The following EHHADH variants were observed in gnomAD, a reference collection of about 807,000 sequenced individuals.
EHHADH encodes peroxisomal bifunctional enzyme.
Under a neutral mutation model 64.4 loss-of-function variants are expected in EHHADH, and 48 were observed. That is an observed-to-expected ratio of 0.75 (90% confidence interval 0.59 to 0.95). EHHADH has a LOEUF of 0.95. EHHADH is among the 40% of genes least tolerant of loss of function. EHHADH has a pLI of 0.00. For missense variants in EHHADH, 854 were observed against 876.6 expected (o/e 0.97, Z 0.33); for synonymous variants, 308 against 326.7 (o/e 0.94, Z 0.62).
Position 185,192,522 on chromosome 3 carries a change from A to G in EHHADH, c.1876T>C (p.Ser626Pro). The G allele has an allele frequency of 2.5e-6, 4 of 1,614,204 alleles. No individual in the cohort carries two copies. The African/African-American group carries it at 5.3e-5, about 22-fold the overall frequency. The change falls in exon 7 of 7, where the codon TCA becomes CCA. Residue 626 changes from serine to proline, a missense_variant. Transcript: ENST00000231887. ...QDEILERCLYSLINEAFRILG... is the reference protein window; with the variant it reads ...QDEILERCLYPLINEAFRILG... The stretch of plus-strand genomic sequence containing the variant: ...ATACGGAATGCTTCATTGATAAGTG[A>G]ATATAAGCAGCGTTCAAGGATCTCA...
In EHHADH at chr3:185,202,634, C is replaced by T. The variant is rs7640251; in HGVS notation, c.910+1782G>A. Among the ~76,000 whole-genome samples the T allele has an allele frequency of 9.4e-3, 1,425 of 152,228 alleles. 21 individuals carry two copies. Among genetic ancestry groups the T allele is most frequent in the African/African-American group, 0.033 (1,350 of 41,532 alleles). On this transcript the variant is annotated intron_variant, in intron 6 of 6. Coordinates refer to ENST00000231887, the MANE Select transcript of EHHADH (RefSeq NM_001966.4). ...TTCAGCCTTGACCTCCGCCTCCTGT[C>T]GGATCAGTGGTGGTATTAGACTCTC...
intron 4 of EHHADH, among the ~76,000 whole-genome samples, chr3:185,228,076 C>T (rs1033507454): frequency 1.3e-5 from 2 of 149,066 alleles, no homozygotes; most frequent in African/African-American, 4.9e-5. Flanking sequence ...GTTCTTTCTT[C>T]TAAATTGACC....
chr3:185,192,828 G>T lies in EHHADH; in HGVS notation c.1570C>A (p.Leu524Ile). 6.2e-7 allele frequency: 1 copy of T among 1,614,094 alleles called. No individual in the cohort carries two copies. Among genetic ancestry groups the T allele is most frequent in the East Asian group, 2.2e-5 (1 of 44,880 alleles). The change falls in exon 7 of 7, where the codon CTT becomes ATT. Residue 524 changes from leucine to isoleucine, a missense_variant. Physicochemically the swap from Leu to Ile is conservative, Grantham distance 5. Transcript: ENST00000231887. ...FKMGPFRVSDLAGLDVGWKSR... is the reference protein window; with the variant it reads ...FKMGPFRVSDIAGLDVGWKSR... The stretch of plus-strand genomic sequence containing the variant: ...TTCCAGCCCACATCCAACCCAGCAA[G>T]ATCAGACACTCTAAAAGGTCCCATT...
At chr3:185,209,985 G>A (rs1358241553) in intron 5 of EHHADH, among the ~76,000 whole-genome samples, 9 of 152,178 alleles carry the variant, frequency 5.9e-5, no homozygotes, top group African/African-American at 2.2e-4. Context: ...GAGAAGAATG[G>A]GGACTCCCCC....
intron 1 of EHHADH, chr3:185,253,681 T>TCTCAGC (rs1389146437): frequency 1.5e-6 from 1 of 674,174 alleles, no homozygotes; most frequent in Non-Finnish European, 2.2e-6. Context: ...TGTTGATCTG[T>TCTCAGC]CTCAGCCTCA....
intron 6 of EHHADH, among the ~76,000 whole-genome samples, chr3:185,199,696 A>C (rs1718171798): frequency 6.6e-6 from 1 of 152,240 alleles, no homozygotes; most frequent in Non-Finnish European, 1.5e-5. Context: ...ATTGGAACAC[A>C]AGGTTAATTT....
chr3:185,210,634 CAAA>C (rs34709334), intron 5 of EHHADH, among the ~76,000 whole-genome samples: 7 of 83,194 alleles, frequency 8.4e-5, no homozygotes, highest in Non-Finnish European at 5.5e-5. Flanking sequence ...GACTCTGTCT[CAAA>C]AAAAAAAAAA....
chr3:185,196,672 A>G (rs1253358072), intron 6 of EHHADH, among the ~76,000 whole-genome samples: 3 of 152,250 alleles, frequency 2.0e-5, no homozygotes, highest in South Asian at 2.1e-4. Context: ...GATACATACT[A>G]TAACATGAAT....
chr3:185,230,572 A>AT (rs1193779953), intron 3 of EHHADH, among the ~76,000 whole-genome samples: 2 of 152,052 alleles, frequency 1.3e-5, no homozygotes, highest in Non-Finnish European at 2.9e-5. Flanking sequence ...AGGAGACCAC[A>AT]TATCATATGA....
At chr3:185,219,744 G>A (rs577919798) in intron 4 of EHHADH, among the ~76,000 whole-genome samples, 27 of 152,324 alleles carry the variant, frequency 1.8e-4, no homozygotes, top group African/African-American at 6.5e-4. Flanking sequence ...GGTGGCAACA[G>A]TCCCACAGTC....
chr3:185,193,391 G>A lies in EHHADH; in HGVS notation c.1007C>T (p.Ala336Val), dbSNP rs1007319456. ...CAAGACAGAGGTTATCATCTTGTTT[G>A]CAGTTGCTAGCTGGTTTTTGTCCGA... The part of the protein sequence containing the change: ...VDSDKNQLAT[A>V]NKMITSVLEK... Residue 336 changes from alanine to valine, a missense_variant, in exon 7 of 7, where the codon GCA becomes GTA. Ala to Val is a moderately conservative substitution (Grantham distance 64). Transcript: ENST00000231887. The A allele has an allele frequency of 1.6e-5, 26 of 1,614,048 alleles. No individual in the cohort carries two copies. Among genetic ancestry groups the A allele is most frequent in the Non-Finnish European group, 2.0e-5 (24 of 1,180,050 alleles).
intron 2 of EHHADH, among the ~76,000 whole-genome samples, chr3:185,242,129 C>T (rs1173117417): frequency 6.6e-6 from 1 of 152,046 alleles, no homozygotes; most frequent in African/African-American, 2.4e-5. Context: ...AAGATCTCTA[C>T]AAGGAAAACA....
At chr3:185,222,275 T>C (rs2108639839) in intron 4 of EHHADH, among the ~76,000 whole-genome samples, 1 of 152,086 alleles carries the variant, frequency 6.6e-6, no homozygotes, top group Non-Finnish European at 1.5e-5. Context: ...CCCAGCTACT[T>C]GGGAGGCTGA....
chr3:185,246,249 G>C (rs1385698756), intron 2 of EHHADH: 1 of 888,904 alleles, frequency 1.1e-6, no homozygotes. Flanking sequence ...ATCATCAGAA[G>C]CATCGTTTTT....
chr3:185,226,650 C>CAAAAA (rs59522852), intron 4 of EHHADH, among the ~76,000 whole-genome samples: 8 of 133,260 alleles, frequency 6.0e-5, no homozygotes, highest in East Asian at 2.3e-4. Flanking sequence ...ACTCCATCTC[C>CAAAAA]AAAAAAAAAA....
In EHHADH at chr3:185,204,586, A is replaced by G. The variant is rs1350386129; in HGVS notation, c.740T>C (p.Val247Ala). 3 of 1,614,162 alleles carry G rather than the reference A, an allele frequency of 1.9e-6. No homozygotes were observed. The highest frequency in any genetic ancestry group is 2.5e-6 in the Non-Finnish European group (3 of 1,180,034). Residue 247 changes from valine to alanine, a missense_variant, in exon 6 of 7, where the codon GTG (valine) becomes GCG (alanine). Transcript: ENST00000231887. ...VQAAVQYPYE[V>A]GIKKEEELFL... ...CAGCTCCTCCTCCTTCTTGATGCCC[A>G]CTTCATAGGGATACTGCACAGCAGC...
At position 185,193,303 on chromosome 3, in the gene EHHADH, T is replaced by G. The variant is rs1337726030; in HGVS notation, c.1095A>C (p.Leu365Phe). Residue 365 changes from leucine to phenylalanine, a missense_variant, in exon 7 of 7, where the codon TTA (leucine) becomes TTC (phenylalanine). Leu to Phe is a conservative substitution (Grantham distance 22). Transcript: ENST00000231887. ...GHPWSGPKPRLTSSVKELGGV... is the reference protein window; with the variant it reads ...GHPWSGPKPRFTSSVKELGGV... ...CACCAAGCTCCTTCACAGATGAAGT[T>G]AACCTGGGTTTTGGTCCTGACCAAG... 6.2e-7 allele frequency: 1 copy of G among 1,609,860 alleles called. No homozygotes were observed. Among genetic ancestry groups the G allele is most frequent in the Non-Finnish European group, 8.5e-7 (1 of 1,178,396 alleles).
At chr3:185,225,429 G>A (rs1354149482) in intron 4 of EHHADH, among the ~76,000 whole-genome samples, 1 of 151,930 alleles carries the variant, frequency 6.6e-6, no homozygotes, top group Non-Finnish European at 1.5e-5. Flanking sequence ...TCCAGAATCT[G>A]ACCATATCTT....
intron 4 of EHHADH, among the ~76,000 whole-genome samples, chr3:185,226,474 C>A (rs1237820752): frequency 6.6e-6 from 1 of 151,972 alleles, no homozygotes; most frequent in African/African-American, 2.4e-5. Context: ...CATGGTGAAA[C>A]CCTGTCTCTA....
Sources: gnomAD v4.1 joint callset for allele counts (sites outside exome capture counted in the v4.1 genomes callset) on GRCh38, gnomAD v4.1.1 for gene constraint, MANE v1.5 for transcripts, NCBI Gene and HGNC (gene_info 2026-07-23, HGNC 2026-07-21) for gene names.